Variants in TIAM1 observed in about 807,000 individuals in gnomAD.
TIAM1 encodes the protein rho guanine nucleotide exchange factor TIAM1.
Under a neutral mutation model 163.5 loss-of-function variants are expected in TIAM1, and 65 were observed. The ratio of observed to expected loss-of-function variants is 0.40; its 90% CI spans 0.33 to 0.49. The LOEUF is 0.49. Ranked by LOEUF, TIAM1 falls within the 20% of genes least tolerant of loss-of-function variation. The pLI is 0.77. For missense variants in TIAM1, 1,789 were observed against 2,044.7 expected (o/e 0.87, Z 2.41); for synonymous variants, 833 against 810.1 (o/e 1.03, Z -0.48).
chr21:31,519,641 A>T (rs1355595224), intron 1 of TIAM1, among the ~76,000 whole-genome samples: 2 of 152,208 alleles, frequency 1.3e-5, no homozygotes, highest in Non-Finnish European at 2.9e-5. Flanking sequence ...GCCAAAAGAT[A>T]GAAGTAACCC....
chr21:31,461,730 A>T lies in TIAM1; in HGVS notation c.-369+2253T>A, dbSNP rs369982787. 3.6e-3 allele frequency among the ~76,000 whole-genome samples: 550 copies of T among 152,222 alleles called. 8 individuals are homozygous for T. The highest frequency in any genetic ancestry group is 0.013 in the African/African-American group (522 of 41,536). On this transcript the variant is annotated intron_variant, in intron 2 of 28. Transcript: ENST00000286827. ...GCCCAAGCTGGAGTGCAGTAGTGTG[A>T]TCATGGCTCACTGCAGCCTCAACTT... is the stretch of plus-strand genomic sequence containing the variant.
At chr21:31,495,951 G>A (rs888644890) in intron 1 of TIAM1, among the ~76,000 whole-genome samples, 3 of 151,278 alleles carry the variant, frequency 2.0e-5, no homozygotes, top group Admixed American at 6.6e-5. Context: ...CAGCCTGAGT[G>A]ACAGAGTGAG....
chr21:31,394,728 T>TCTCTCTCA (rs1279053911), intron 2 of TIAM1, among the ~76,000 whole-genome samples: 48 of 95,722 alleles, frequency 5.0e-4, no homozygotes, highest in African/African-American at 9.5e-4. Context: ...TCTCTCTCTC[T>TCTCTCTCA]CACACACACA....
intron 6 of TIAM1, among the ~76,000 whole-genome samples, chr21:31,243,122 G>A (rs2071287673): frequency 6.8e-6 from 1 of 147,494 alleles, no homozygotes; most frequent in South Asian, 2.1e-4. Context: ...AACGTGGGAG[G>A]CAGAGGTTGT....
At chr21:31,427,551 A>C (rs1384727104) in intron 2 of TIAM1, among the ~76,000 whole-genome samples, 6 of 152,142 alleles carry the variant, frequency 3.9e-5, no homozygotes, top group Admixed American at 6.5e-5. Flanking sequence ...TAAAATTAAA[A>C]ACATGGAGCC....
At chr21:31,190,342 G>A (rs1437949361) in intron 13 of TIAM1, among the ~76,000 whole-genome samples, 1 of 152,058 alleles carries the variant, frequency 6.6e-6, no homozygotes, top group Admixed American at 6.6e-5. Context: ...AGTCTAGGAG[G>A]TTGAGGCTGC....
chr21:31,441,514 G>A (rs1289542320), intron 2 of TIAM1, among the ~76,000 whole-genome samples: 1 of 152,144 alleles, frequency 6.6e-6, no homozygotes, highest in Non-Finnish European at 1.5e-5. Context: ...GGCACAAGTT[G>A]GCGATAGCAG....
chr21:31,343,897 G>A (rs1225232278), intron 1 of TIAM1, among the ~76,000 whole-genome samples: 1 of 152,188 alleles, frequency 6.6e-6, no homozygotes, highest in Non-Finnish European at 1.5e-5. Context: ...CAGAACCAGC[G>A]TCGCCGCCGT....
At chr21:31,373,025 A>T (rs2076623728) in intron 2 of TIAM1, among the ~76,000 whole-genome samples, 2 of 149,348 alleles carry the variant, frequency 1.3e-5, no homozygotes, top group Non-Finnish European at 3.0e-5. Flanking sequence ...ATTGCACTCC[A>T]GCCTGGGCAA....
chr21:31,523,937 GTA>G (rs2047692011), intron 1 of TIAM1, among the ~76,000 whole-genome samples: 1 of 147,472 alleles, frequency 6.8e-6, no homozygotes, highest in Non-Finnish European at 1.5e-5. Flanking sequence ...AAAAAAAATA[GTA>G]TGTACTCTGC....
At chr21:31,159,653 A>G (rs2083804431) in intron 16 of TIAM1, among the ~76,000 whole-genome samples, 1 of 152,222 alleles carries the variant, frequency 6.6e-6, no homozygotes, top group Non-Finnish European at 1.5e-5. Flanking sequence ...AACAAACTTC[A>G]AAGAAGAAAT....
At chr21:31,153,378 T>C (rs1413492190) in intron 17 of TIAM1, among the ~76,000 whole-genome samples, 1 of 152,142 alleles carries the variant, frequency 6.6e-6, no homozygotes, top group African/African-American at 2.4e-5. Context: ...TTGCAACTTC[T>C]TCAACTGTAG....
intron 1 of TIAM1, among the ~76,000 whole-genome samples, chr21:31,508,165 G>A (rs1186047920): frequency 1.3e-5 from 2 of 152,074 alleles, no homozygotes; most frequent in African/African-American, 4.8e-5. Flanking sequence ...CAGAGTGAAC[G>A]TGGCCCTGCT....
intron 1 of TIAM1, among the ~76,000 whole-genome samples, chr21:31,489,487 A>AAGAGAGAG (rs374028144): frequency 7.9e-6 from 1 of 126,556 alleles, no homozygotes; most frequent in Admixed American, 8.3e-5. Flanking sequence ...AGATGAAAGA[A>AAGAGAGAG]AGAGAGAGAG....
At chr21:31,295,943 A>ATG (rs1205999701) in intron 2 of TIAM1, among the ~76,000 whole-genome samples, 1 of 152,080 alleles carries the variant, frequency 6.6e-6, no homozygotes, top group Non-Finnish European at 1.5e-5. Context: ...GATTACAGGC[A>ATG]TACAACACCG....
At chr21:31,164,112 C>T (rs1248834010) in intron 16 of TIAM1, among the ~76,000 whole-genome samples, 4 of 152,120 alleles carry the variant, frequency 2.6e-5, no homozygotes, top group Middle Eastern at 3.2e-3. Context: ...GGCAACAGGC[C>T]GGGTGCAGTG....
At chr21:31,277,481 A>T (rs1204969545) in intron 2 of TIAM1, among the ~76,000 whole-genome samples, 1 of 152,190 alleles carries the variant, frequency 6.6e-6, no homozygotes, top group East Asian at 1.9e-4. Context: ...CCCCATCTTT[A>T]CTAAAATACA....
intron 1 of TIAM1, among the ~76,000 whole-genome samples, chr21:31,536,073 G>A (rs2048124652): frequency 6.6e-6 from 1 of 152,210 alleles, no homozygotes; most frequent in Admixed American, 6.5e-5. Flanking sequence ...ACCAGAAGGG[G>A]AGAAAATGCG....
At chr21:31,220,045 G>A (rs1569051176) in intron 8 of TIAM1, among the ~76,000 whole-genome samples, 1 of 152,008 alleles carries the variant, frequency 6.6e-6, no homozygotes, top group Admixed American at 6.6e-5. Context: ...AATTCTAGAG[G>A]AAAAAAATGT....
Sources: gnomAD v4.1 joint callset for allele counts (sites outside exome capture counted in the v4.1 genomes callset) on GRCh38, gnomAD v4.1.1 for gene constraint, MANE v1.5 for transcripts, NCBI Gene and HGNC (gene_info 2026-07-23, HGNC 2026-07-21) for gene names.